The following KLHL6 variants were observed in gnomAD, a reference collection of about 807,000 sequenced individuals.
KLHL6 encodes kelch like family member 6.
Under a neutral mutation model 58.6 loss-of-function variants are expected in KLHL6, and 41 were observed. That is an observed-to-expected ratio of 0.70 (90% CI 0.55 to 0.91). The LOEUF (loss-of-function observed/expected upper bound fraction) is 0.91, where lower values mean the gene tolerates loss of function less well. Ranked by LOEUF, KLHL6 falls within the 40% of genes least tolerant of loss-of-function variation. The probability of loss-of-function intolerance (pLI) is 0.00; values close to 1 mark genes in which losing one functional copy is unlikely to be tolerated. For missense variants in KLHL6, 714 were observed against 805.6 expected (o/e 0.89, Z 1.38); for synonymous variants, 338 against 322.7 (o/e 1.05, Z -0.51).
At chr3:183,536,214 GA>G (rs1446967190) in intron 1 of KLHL6, among the ~76,000 whole-genome samples, 1 of 152,172 alleles carries the variant, frequency 6.6e-6, no homozygotes, top group Non-Finnish European at 1.5e-5. Flanking sequence ...ACAAGGGGGG[GA>G]GGAAGCCCAG....
intron 1 of KLHL6, among the ~76,000 whole-genome samples, chr3:183,541,534 A>G (rs781592089): frequency 3.9e-5 from 6 of 152,206 alleles, no homozygotes; most frequent in Non-Finnish European, 5.9e-5. Flanking sequence ...CCTCCCAGGT[A>G]ACTTATTTAC....
At chr3:183,529,807 G>A (rs1434461005) in intron 1 of KLHL6, among the ~76,000 whole-genome samples, 1 of 151,894 alleles carries the variant, frequency 6.6e-6, no homozygotes, top group Non-Finnish European at 1.5e-5. Context: ...AAGAAAGAAA[G>A]GAAACTCTAA....
intron 1 of KLHL6, among the ~76,000 whole-genome samples, chr3:183,554,082 A>T (rs1433355468): frequency 6.6e-6 from 1 of 152,202 alleles, no homozygotes; most frequent in Admixed American, 6.5e-5. Flanking sequence ...GAATCTCATT[A>T]AGAAGAATTC....
At chr3:183,550,072 A>G (rs1455338470) in intron 1 of KLHL6, among the ~76,000 whole-genome samples, 1 of 152,166 alleles carries the variant, frequency 6.6e-6, no homozygotes, top group Non-Finnish European at 1.5e-5. Flanking sequence ...ATACAAAACA[A>G]GAACAGGATG....
At chr3:183,510,407 C>T (rs1440396125) in intron 2 of KLHL6, among the ~76,000 whole-genome samples, 1 of 151,938 alleles carries the variant, frequency 6.6e-6, no homozygotes, top group Admixed American at 6.6e-5. Context: ...GTGGGGCTAT[C>T]GAGCCTGAAG....
chr3:183,511,829 G>C (rs1426805319), intron 2 of KLHL6, among the ~76,000 whole-genome samples: 1 of 152,154 alleles, frequency 6.6e-6, no homozygotes, highest in Non-Finnish European at 1.5e-5. Context: ...CAGCATCTCA[G>C]GGCAGAGCAA....
At chr3:183,502,960 G>A (rs187672085) in intron 3 of KLHL6, among the ~76,000 whole-genome samples, 15 of 152,298 alleles carry the variant, frequency 9.8e-5, no homozygotes, top group Admixed American at 3.3e-4. Flanking sequence ...CGGAGCTGCC[G>A]AGTGGTGGCA....
chr3:183,528,073 C>T (rs1712037612), intron 1 of KLHL6, 63 bp from the exon 2 acceptor site: 5 of 1,581,348 alleles, frequency 3.2e-6, no homozygotes, highest in Non-Finnish European at 4.3e-6. Flanking sequence ...CTAAAGAGAT[C>T]CCCTTTCAGA....
At chr3:183,520,620 C>T (rs1200587439) in intron 2 of KLHL6, 2 of 151,616 alleles carry the variant, frequency 1.3e-5, no homozygotes, top group African/African-American at 4.9e-5. Flanking sequence ...AACGTGTGAG[C>T]AAAGGTCTCT....
chr3:183,552,650 G>A (rs1205641815), intron 1 of KLHL6, among the ~76,000 whole-genome samples: 3 of 149,700 alleles, frequency 2.0e-5, no homozygotes, highest in Non-Finnish European at 3.0e-5. Context: ...CCCTGGAGGC[G>A]GAGTTTGCAG....
chr3:183,525,969 G>A (rs1053075139), intron 2 of KLHL6, among the ~76,000 whole-genome samples: 6 of 152,240 alleles, frequency 3.9e-5, no homozygotes, highest in Non-Finnish European at 8.8e-5. Context: ...TCCCTTCCGG[G>A]GTTCTGAATT....
At position 183,491,695 on chromosome 3, in the gene KLHL6, A is replaced by C; in HGVS notation, c.*232T>G. ...ATAGGGTGGGTGGGTCCTGAATGCT[A>C]AATATTACTCTTCCTCGCCTCCCCT... On this transcript the variant is annotated 3_prime_UTR_variant, in exon 7 of 7. Coordinates refer to ENST00000341319, the MANE Select transcript of KLHL6 (RefSeq NM_130446.4). 1 of 401,182 alleles carries C rather than the reference A, an allele frequency of 2.5e-6. No homozygotes were observed. Among genetic ancestry groups the C allele is most frequent in the Non-Finnish European group, 4.4e-6 (1 of 227,914 alleles). 24.9% of individuals were successfully genotyped at this position (401,182 alleles called of 1,614,324 possible).
chr3:183,526,132 AC>A (rs1711957943), intron 2 of KLHL6, among the ~76,000 whole-genome samples: 1 of 151,856 alleles, frequency 6.6e-6, no homozygotes, highest in South Asian at 2.1e-4. Context: ...ACATGGGGAA[AC>A]CCCCTCTCTA....
At chr3:183,551,867 A>G (rs1222130383) in intron 1 of KLHL6, among the ~76,000 whole-genome samples, 1 of 152,176 alleles carries the variant, frequency 6.6e-6, no homozygotes, top group African/African-American at 2.4e-5. Context: ...CTATTTGCAT[A>G]TCTTTAATAA....
intron 3 of KLHL6, among the ~76,000 whole-genome samples, chr3:183,502,601 T>C (rs2108669909): frequency 6.6e-6 from 1 of 152,266 alleles, no homozygotes; most frequent in Admixed American, 6.5e-5. Context: ...TCAGCTGATA[T>C]AGAGATGCCC....
Position 183,492,501 on chromosome 3 carries a change from A to G in KLHL6, c.1557T>C (p.Tyr519=), listed in dbSNP as rs1408481696. 6.2e-6 allele frequency: 10 copies of G among 1,614,232 alleles called. No individual in the cohort carries two copies. Among genetic ancestry groups the G allele is most frequent in the Non-Finnish European group, 8.5e-6 (10 of 1,180,038 alleles). ...INAVSFRDRI[Y]VVGGAMRALY... ...TAAGAAGCCATTACTCACCAACGAC[A>G]TAGATGCGGTCCCGGAAACTCACTG... Residue 519 remains tyrosine, a synonymous_variant, in exon 6 of 7, where the codon TAT becomes TAC. Coordinates refer to ENST00000341319, the MANE Select transcript of KLHL6 (RefSeq NM_130446.4). The surrounding 1 kb of genome is among the most constrained non-coding windows in gnomAD (Gnocchi z 5.9).
chr3:183,497,996 G>T (rs1717762774), intron 4 of KLHL6, among the ~76,000 whole-genome samples: 1 of 152,184 alleles, frequency 6.6e-6, no homozygotes, highest in Admixed American at 6.5e-5. Flanking sequence ...AGCACTTTGG[G>T]AGGCTGAGGC....
At chr3:183,545,198 C>T (rs1013730795) in intron 1 of KLHL6, among the ~76,000 whole-genome samples, 2 of 152,190 alleles carry the variant, frequency 1.3e-5, no homozygotes, top group Admixed American at 1.3e-4. Flanking sequence ...TTTGCCTAAG[C>T]TGATTGACTT....
chr3:183,533,431 C>A (rs1241041763), intron 1 of KLHL6, among the ~76,000 whole-genome samples: 1 of 144,988 alleles, frequency 6.9e-6, no homozygotes, highest in Non-Finnish European at 1.5e-5. Context: ...CCACACCCAA[C>A]TTTTTTTTTT....
Sources: gnomAD v4.1 joint callset for allele counts (sites outside exome capture counted in the v4.1 genomes callset) on GRCh38, gnomAD v4.1.1 for gene constraint, Gnocchi (gnomAD v3.1) non-coding constraint, MANE v1.5 for transcripts, NCBI Gene and HGNC (gene_info 2026-07-23, HGNC 2026-07-21) for gene names.